Variants in HDAC7 observed in about 807,000 individuals in gnomAD.
HDAC7 encodes the protein histone deacetylase 7A.
A neutral mutation model predicts 115.5 loss-of-function variants in HDAC7; 26 were observed. The observed-to-expected ratio is 0.23, with a 90% confidence interval of 0.16 to 0.31. The LOEUF is 0.31. Ranked by LOEUF, HDAC7 falls within the 10% of genes least tolerant of loss-of-function variation. The pLI, the probability that HDAC7 is intolerant of heterozygous loss-of-function variation, is 1.00. For synonymous variants in HDAC7, 564 were observed against 550.9 expected, an observed-to-expected ratio of 1.02 and a Z score of -0.33; for missense variants, 1,068 against 1,329.0, an observed-to-expected ratio of 0.80 and a Z score of 3.05.
chr12:47,795,994 C>A lies in HDAC7; in HGVS notation c.818G>T (p.Arg273Leu), dbSNP rs540425180. 1.3e-6 allele frequency: 2 copies of A among 1,549,536 alleles called. No individual in the cohort carries two copies. The highest frequency in any genetic ancestry group is 1.7e-6 in the Non-Finnish European group (2 of 1,146,938). The stretch of plus-strand genomic sequence containing the variant: ...CGGGGCCACAGAAGTCTCCTGCAGC[C>A]GCAGCCGCTGGCCCAAGAGCGCCTG... ...GSEALLGQRL[R>L]LQETSVAPFA... The change falls in exon 9 of 26, where the codon CGG becomes CTG. Residue 273 changes from arginine to leucine, a missense_variant. This residue lies in a region of HDAC7 where 618 missense variants were observed against 701.5 expected (regional missense o/e 0.88). Coordinates refer to ENST00000080059, the MANE Select transcript of HDAC7 (RefSeq NM_015401.5). This position sits in a 1 kb window ranked among gnomAD's most constrained non-coding sequence, Gnocchi z 4.3.
chr12:47,791,726 G>C lies in HDAC7; in HGVS notation c.1813-20C>G, dbSNP rs539086207. 1 of 1,612,656 alleles carries C rather than the reference G, an allele frequency of 6.2e-7. No individual in the cohort carries two copies. Among genetic ancestry groups the C allele is most frequent in the East Asian group, 2.2e-5 (1 of 44,836 alleles). On this transcript the variant is annotated intron_variant, in intron 14 of 25. Coordinates refer to ENST00000080059, the MANE Select transcript of HDAC7 (RefSeq NM_015401.5). ...GAGACACTGAAAAGGGGACCACAGA[G>C]CTCTGAGCTCATGCTCGCCCCTTCC...
rs1241627296 is a variant in HDAC7 at position 47,798,982 on chromosome 12, G to C, written c.71-10C>G. On this transcript the variant is annotated splice_polypyrimidine_tract_variant and intron_variant, in intron 2 of 25. Transcript: ENST00000080059. The surrounding 1 kb of genome is among the most constrained non-coding windows in gnomAD (Gnocchi z 4.3). ...CAGGGCCTGGGGCAGCCTAGGGACAGAGAGAGGGAGCAGGGTAAACTGGAA... is the reference window on the plus strand; with the variant it reads ...CAGGGCCTGGGGCAGCCTAGGGACACAGAGAGGGAGCAGGGTAAACTGGAA... The C allele has an allele frequency of 6.8e-7, 1 of 1,480,616 alleles. No homozygotes were observed. Among genetic ancestry groups the C allele is most frequent in the Non-Finnish European group, 9.0e-7 (1 of 1,115,090 alleles). 91.7% of individuals were successfully genotyped at this position (1,480,616 alleles called of 1,614,324 possible). A position where few individuals can be genotyped will look rare whatever the true frequency, so the allele number is the denominator to read the frequency against.
At chr12:47,807,924 T>C (rs1944472861) in intron 1 of HDAC7, among the ~76,000 whole-genome samples, 1 of 152,212 alleles carries the variant, frequency 6.6e-6, no homozygotes. Context: ...CAAGTCCCTC[T>C]AGGACTCTCT....
intron 1 of HDAC7, among the ~76,000 whole-genome samples, chr12:47,809,498 C>T (rs993927933): frequency 3.3e-5 from 5 of 152,072 alleles, no homozygotes; most frequent in Non-Finnish European, 5.9e-5. Flanking sequence ...TGTGTTAATG[C>T]TTACTGTGTG....
chr12:47,796,072 C>A lies in HDAC7; in HGVS notation c.796-56G>T, dbSNP rs531695147. The stretch of plus-strand genomic sequence containing the variant: ...GTCCCAGACCTCTACCCCGGCGCAC[C>A]TTCCCCAGAACACCCAGGAGGCTCT... On this transcript the variant is annotated intron_variant, in intron 8 of 25. Transcript: ENST00000080059. 5.3e-5 allele frequency: 82 copies of A among 1,535,578 alleles called. 2 individuals are homozygous for A. The South Asian group carries it at 8.5e-4, about 16-fold the overall frequency.
chr12:47,818,450 A>C (rs1302902095), intron 1 of HDAC7, among the ~76,000 whole-genome samples: 1 of 152,206 alleles, frequency 6.6e-6, no homozygotes, highest in Non-Finnish European at 1.5e-5. Flanking sequence ...AAAATGACTT[A>C]ATAACCCATG....
intron 1 of HDAC7, chr12:47,802,533 C>A: frequency 6.5e-7 from 1 of 1,532,712 alleles, no homozygotes; most frequent in Non-Finnish European, 8.8e-7. Context: ...CAGACTACAG[C>A]AAGAACCTAA....
In HDAC7 at chr12:47,795,410, G is replaced by T; in HGVS notation, c.1088-30C>A. The T allele has an allele frequency of 1.3e-6, 2 of 1,547,000 alleles. No individual in the cohort carries two copies. The highest frequency in any genetic ancestry group is 1.8e-6 in the Non-Finnish European group (2 of 1,140,452). ...AAAGAATCGGGGGGTGGAATAAGGA[G>T]GGAACCACAGGGAGCAATGGAAGGA... is the stretch of plus-strand genomic sequence containing the variant. On this transcript the variant is annotated intron_variant, in intron 10 of 25. Transcript: ENST00000080059. This position sits in a 1 kb window ranked among gnomAD's most constrained non-coding sequence, Gnocchi z 4.3.
rs377686487 is a variant in HDAC7, at chr12:47,794,823, G to A, written c.1395C>T (p.His465=). The change falls in exon 12 of 26, where the codon CAC becomes CAT. Residue 465 remains histidine, a synonymous_variant. Coordinates refer to ENST00000080059, the MANE Select transcript of HDAC7 (RefSeq NM_015401.5). ...CAGGCTGCCCATGGCCCAGCTCCCT[G>A]TGCTCCAGGCCATCGTCCACCACCT... ...PGQVVDDGLE[H]RELGHGQPEA... is the part of the protein sequence containing the mutation. 3 of 1,613,184 alleles carry A rather than the reference G, an allele frequency of 1.9e-6. No homozygotes were observed. Among genetic ancestry groups the A allele is most frequent in the Middle Eastern group, 3.3e-4 (2 of 6,054 alleles).
intron 24 of HDAC7, 58 bp downstream of exon 24, chr12:47,785,329 A>G (rs576521014): frequency 4.6e-5 from 66 of 1,435,132 alleles, no homozygotes; most frequent in Middle Eastern, 1.9e-4. Context: ...ACGGTGGGGC[A>G]GGGTACCACC....
chr12:47,798,509 C>T lies in HDAC7; in HGVS notation c.349+53G>A. 3 of 1,539,412 alleles carry T rather than the reference C, an allele frequency of 1.9e-6. No individual in the cohort carries two copies. Among genetic ancestry groups the T allele is most frequent in the South Asian group, 2.2e-5 (2 of 89,292 alleles). The stretch of plus-strand genomic sequence containing the variant: ...ACCCCTCACAAGCCACACAGGCAGC[C>T]GCAGGCACCTGGCTGGTGGGGCTGG... On this transcript the variant is annotated intron_variant, in intron 4 of 25. Transcript: ENST00000080059. This position sits in a 1 kb window ranked among gnomAD's most constrained non-coding sequence, Gnocchi z 4.3.
intron 19 of HDAC7, chr12:47,788,579 A>G (rs909599518): frequency 6.4e-6 from 1 of 155,902 alleles, no homozygotes; most frequent in African/African-American, 2.4e-5. Flanking sequence ...CAGGTACACG[A>G]GGCCCAGCCC....
In HDAC7 at chr12:47,789,166, G is replaced by A; in HGVS notation, c.2235+95C>T. 4 of 969,012 alleles carry A rather than the reference G, an allele frequency of 4.1e-6. No homozygotes were observed. The Admixed American group carries it at 5.6e-5, about 14-fold the overall frequency. 60.0% of individuals were successfully genotyped at this position (969,012 alleles called of 1,614,324 possible). A position where few individuals can be genotyped will look rare whatever the true frequency, so the allele number is the denominator to read the frequency against. ...GAAACTGAGGCTCAGAGAGGCTACT[G>A]CAGAACTAAGACATGAAGCCGCATC... On this transcript the variant is annotated intron_variant, in intron 19 of 25. Transcript: ENST00000080059.
At chr12:47,819,463 G>C (rs1944952411) in intron 1 of HDAC7, among the ~76,000 whole-genome samples, 1 of 152,162 alleles carries the variant, frequency 6.6e-6, no homozygotes, top group Non-Finnish European at 1.5e-5. Context: ...CCGGCGGCCG[G>C]GGCCTCCAAC....
upstream of HDAC7, among the ~76,000 whole-genome samples, chr12:47,820,961 C>A (rs1374794120): frequency 6.6e-6 from 1 of 152,184 alleles, no homozygotes; most frequent in African/African-American, 2.4e-5. This position sits in a 1 kb window ranked among gnomAD's most constrained non-coding sequence, Gnocchi z 4.3. Flanking sequence ...GGGCTAAGGA[C>A]CTCGCCATTG....
At position 47,797,229 on chromosome 12, in the gene HDAC7, T is replaced by G. The variant is rs1943902670; in HGVS notation, c.578-87A>C. ...CCTCAGTCCCAGTCATCTCTATCGG[T>G]CAAGGAAAGAGAAGGCAGAACTAGA... On this transcript the variant is annotated intron_variant, in intron 6 of 25. Coordinates refer to ENST00000080059, the MANE Select transcript of HDAC7 (RefSeq NM_015401.5). The surrounding 1 kb of genome is among the most constrained non-coding windows in gnomAD (Gnocchi z 5.5). The G allele has an allele frequency of 6.4e-7, 1 of 1,564,006 alleles. No homozygotes were observed. The highest frequency in any genetic ancestry group is 1.4e-5 in the African/African-American group (1 of 73,638).
At chr12:47,808,069 C>T (rs1317312416) in intron 1 of HDAC7, among the ~76,000 whole-genome samples, 1 of 152,200 alleles carries the variant, frequency 6.6e-6, no homozygotes, top group Non-Finnish European at 1.5e-5. Context: ...TCCATCAGTC[C>T]GAGGCAAGAG....
At position 47,802,346 on chromosome 12, in the gene HDAC7, C is replaced by T. The variant is rs1344799279; in HGVS notation, c.20-72G>A. The stretch of plus-strand genomic sequence containing the variant: ...AGAGGGAGCAGGAAGGAAAGAAGGT[C>T]AAGCCAGGCCTGCTCCCTGCCACTC... On this transcript the variant is annotated intron_variant, in intron 1 of 25. Transcript: ENST00000080059. 4.5e-6 allele frequency: 7 copies of T among 1,543,074 alleles called. No individual in the cohort carries two copies. The Admixed American group carries it at 1.1e-4, about 25-fold the overall frequency.
At chr12:47,801,698 T>C (rs1944173996) in intron 2 of HDAC7, among the ~76,000 whole-genome samples, 1 of 152,326 alleles carries the variant, frequency 6.6e-6, no homozygotes. Context: ...CCCATGGGCA[T>C]GTCCTAAACC....
Sources: allele counts gnomAD v4.1 joint callset (sites outside exome capture counted in the v4.1 genomes callset), GRCh38; gene constraint gnomAD v4.1.1; regional missense constraint gnomAD v4.1.1; non-coding constraint Gnocchi (gnomAD v3.1); transcripts MANE v1.5; gene names NCBI Gene and HGNC (gene_info 2026-07-23, HGNC 2026-07-21).